Variants in NDUFC2 observed in about 807,000 individuals in gnomAD.
The protein encoded by NDUFC2 is NADH dehydrogenase [ubiquinone] 1 subunit C2.
Under a neutral mutation model 10.1 loss-of-function variants are expected in NDUFC2, and 2 were observed. That is an observed-to-expected ratio of 0.20 (90% CI 0.08 to 0.62). The LOEUF (loss-of-function observed/expected upper bound fraction) is 0.62, where lower values mean the gene tolerates loss of function less well. NDUFC2 is among the 20% of genes least tolerant of loss of function. The pLI is 0.87. For synonymous variants in NDUFC2, 61 were observed against 63.6 expected (o/e 0.96, Z 0.20); for missense variants, 156 against 159.6 (o/e 0.98, Z 0.12).
intron 2 of NDUFC2, among the ~76,000 whole-genome samples, chr11:78,072,521 G>A (rs951468767): frequency 2.6e-5 from 4 of 152,202 alleles, no homozygotes; most frequent in African/African-American, 9.7e-5. Context: ...GCTGTCATTG[G>A]AAATAAGACC....
intron 1 of NDUFC2, among the ~76,000 whole-genome samples, chr11:78,073,495 C>A (rs1285371657): frequency 6.8e-6 from 1 of 146,256 alleles, no homozygotes; most frequent in Non-Finnish European, 1.5e-5. Flanking sequence ...CCTGTTATGG[C>A]ATTTCTTAAA....
At chr11:78,079,518 G>A in intron 1 of NDUFC2, 61 bp downstream of exon 1, 3 of 1,522,926 alleles carry the variant, frequency 2.0e-6, no homozygotes, top group South Asian at 1.2e-5. Context: ...CTACGGCCGG[G>A]CCAGTCTGCA....
intron 1 of NDUFC2, among the ~76,000 whole-genome samples, chr11:78,078,667 AGT>A (rs1859352999): frequency 6.9e-6 from 1 of 145,546 alleles, no homozygotes; most frequent in African/African-American, 2.5e-5. Context: ...CAGCAGCAGC[AGT>A]GTTTGAGCGC....
In NDUFC2 at chr11:78,079,800, CACGACGACCACT is replaced by C. The variant is rs1164972415; in HGVS notation, c.-68_-57del. On this transcript the variant is annotated 5_prime_UTR_variant, in exon 1 of 3. Transcript: ENST00000281031. Reference sequence around the variant, plus strand: ...TCAGACCACGAACTACAAGGAAAACCACGACGACCACTACCCCGGCCTAAGCGGTCAGCTTTC... The same window carrying C: ...TCAGACCACGAACTACAAGGAAAACCACCCCGGCCTAAGCGGTCAGCTTTC... 1.9e-6 allele frequency: 3 copies of C among 1,547,384 alleles called. No homozygotes were observed. In the Admixed American group the frequency reaches 6.8e-5, roughly 35 times the overall value.
At chr11:78,076,993 G>A (rs1440457059) in intron 1 of NDUFC2, among the ~76,000 whole-genome samples, 3 of 152,128 alleles carry the variant, frequency 2.0e-5, no homozygotes, top group Non-Finnish European at 4.4e-5. Flanking sequence ...GCACATAACA[G>A]AGAAACAGTT....
chr11:78,078,313 G>A (rs1260430600), intron 1 of NDUFC2, among the ~76,000 whole-genome samples: 1 of 152,154 alleles, frequency 6.6e-6, no homozygotes, highest in Non-Finnish European at 1.5e-5. Flanking sequence ...AAATTGCCAT[G>A]CTCTGCTAAA....
chr11:78,079,784 G>C lies in NDUFC2; in HGVS notation c.-40C>G, dbSNP rs1238436714. ...CACTTGAGGCCTGGTCTCAGACCAC[G>C]AACTACAAGGAAAACCACGACGACC... On this transcript the variant is annotated 5_prime_UTR_variant, in exon 1 of 3. Transcript: ENST00000281031. 3 of 1,567,682 alleles carry C rather than the reference G, an allele frequency of 1.9e-6. No homozygotes were observed. In the South Asian group the frequency reaches 3.5e-5, roughly 18 times the overall value.
intron 1 of NDUFC2, among the ~76,000 whole-genome samples, chr11:78,077,699 G>A (rs991423308): frequency 6.6e-6 from 1 of 152,100 alleles, no homozygotes; most frequent in African/African-American, 2.4e-5. Flanking sequence ...GGGACTACAA[G>A]TGCACATCAC....
intron 1 of NDUFC2, among the ~76,000 whole-genome samples, chr11:78,074,884 G>C (rs1169050203): frequency 1.3e-5 from 2 of 152,074 alleles, no homozygotes; most frequent in East Asian, 3.9e-4. Flanking sequence ...CTCTCTCTAC[G>C]CTGACCCATG....
Position 78,068,947 on chromosome 11 carries a change from G to A in NDUFC2, c.*1040C>T, listed in dbSNP as rs1858870156. On this transcript the variant is annotated 3_prime_UTR_variant, in exon 3 of 3. Transcript: ENST00000281031. Reference sequence around the variant, plus strand: ...TGTCACCCAGGCTGCAGTGAACTGTGACACAACCACAATTAATTGCATCCT... The same window carrying A: ...TGTCACCCAGGCTGCAGTGAACTGTAACACAACCACAATTAATTGCATCCT... 1 of 151,946 alleles carries A rather than the reference G, an allele frequency of 6.6e-6. No individual in the cohort carries two copies. Among genetic ancestry groups the A allele is most frequent in the African/African-American group, 2.4e-5 (1 of 41,356 alleles). The allele number at this position is 151,946 out of a possible 1,614,324, so 9.4% of individuals were successfully genotyped here.
At chr11:78,070,859 C>A (rs1403307610) in intron 2 of NDUFC2, among the ~76,000 whole-genome samples, 1 of 152,156 alleles carries the variant, frequency 6.6e-6, no homozygotes, top group African/African-American at 2.4e-5. Flanking sequence ...AGAATGAGCC[C>A]TGAAGCTATA....
At position 78,079,834 on chromosome 11, in the gene NDUFC2, T is replaced by G; in HGVS notation, c.-90A>C. ...CACTACCCCGGCCTAAGCGGTCAGC[T>G]TTCTCCTCCTCCTCTGCGCGCCGGA... is the stretch of plus-strand genomic sequence containing the variant. On this transcript the variant is annotated 5_prime_UTR_variant, in exon 1 of 3. Transcript: ENST00000281031. 2 of 1,472,016 alleles carry G rather than the reference T, an allele frequency of 1.4e-6. No individual in the cohort carries two copies. The highest frequency in any genetic ancestry group is 1.3e-5 in the South Asian group (1 of 76,256). The allele number at this position is 1,472,016 out of a possible 1,614,324, so 91.2% of individuals were successfully genotyped here.
chr11:78,073,154 T>C lies in NDUFC2; in HGVS notation c.167-13A>G, dbSNP rs369928822. On this transcript the variant is annotated splice_polypyrimidine_tract_variant and intron_variant, in intron 1 of 2. Transcript: ENST00000281031. ...TGGCGATGCAAACCTGAAATTCAAA[T>C]GACAAATCCCAAAGAAAGCAAAAAT... 31 of 1,611,078 alleles carry C rather than the reference T, an allele frequency of 1.9e-5. No individual in the cohort carries two copies. Among genetic ancestry groups the C allele is most frequent in the Middle Eastern group, 1.7e-4 (1 of 5,976 alleles).
Position 78,069,904 on chromosome 11 carries a change from G to T in NDUFC2, c.*83C>A. 1.2e-6 allele frequency: 2 copies of T among 1,613,154 alleles called. No individual in the cohort carries two copies. The highest frequency in any genetic ancestry group is 1.7e-6 in the Non-Finnish European group (2 of 1,179,540). ...GGTGTCAACATACAGATTAGCATAAGCTTCAACTGTCATAAGAAACATGTT... is the reference window on the plus strand; with the variant it reads ...GGTGTCAACATACAGATTAGCATAATCTTCAACTGTCATAAGAAACATGTT... On this transcript the variant is annotated 3_prime_UTR_variant, in exon 3 of 3. Transcript: ENST00000281031.
Position 78,074,697 on chromosome 11 carries a change from C to T in NDUFC2, c.167-1556G>A, listed in dbSNP as rs142160702. Among the ~76,000 whole-genome samples, 1,326 of 152,088 alleles carry T rather than the reference C, an allele frequency of 8.7e-3. 17 individuals are homozygous for T. Among genetic ancestry groups the T allele is most frequent in the African/African-American group, 0.03 (1,243 of 41,510 alleles). On this transcript the variant is annotated intron_variant, in intron 1 of 2. Coordinates refer to ENST00000281031, the MANE Select transcript of NDUFC2 (RefSeq NM_004549.6). Reference sequence around the variant, plus strand: ...AGACATATGCATATAAAAGTATTTCCGAAAATGTATAAAACAATAAAAATG... The same window carrying T: ...AGACATATGCATATAAAAGTATTTCTGAAAATGTATAAAACAATAAAAATG...
intron 2 of NDUFC2, among the ~76,000 whole-genome samples, chr11:78,071,767 A>G (rs1011905570): frequency 6.6e-6 from 1 of 152,236 alleles, no homozygotes; most frequent in Non-Finnish European, 1.5e-5. Flanking sequence ...AGATAATAAA[A>G]GCAGAAATTT....
rs755954452 is a variant in NDUFC2 at position 78,070,115 on chromosome 11, T to G, written c.311-79A>C. The G allele has an allele frequency of 7.4e-4, 736 of 1,001,258 alleles. 6 individuals carry two copies. Among genetic ancestry groups the G allele is most frequent in the Middle Eastern group, 6.3e-4 (2 of 3,194 alleles). 62.0% of individuals were successfully genotyped at this position (1,001,258 alleles called of 1,614,324 possible). A position where few individuals can be genotyped will look rare whatever the true frequency, so the allele number is the denominator to read the frequency against. On this transcript the variant is annotated intron_variant, in intron 2 of 2. Transcript: ENST00000281031. ...GTATTTCCTAAACGAAAATTAACAC[T>G]CACTAATCTTATGATTGAAATCCTG...
chr11:78,073,627 C>A (rs895957334), intron 1 of NDUFC2, among the ~76,000 whole-genome samples: 1 of 151,794 alleles, frequency 6.6e-6, no homozygotes, highest in Admixed American at 6.6e-5. Flanking sequence ...CATGGTGAAA[C>A]CCTGTCTCTA....
chr11:78,076,493 T>C (rs1295906996), intron 1 of NDUFC2, among the ~76,000 whole-genome samples: 1 of 152,218 alleles, frequency 6.6e-6, no homozygotes, highest in Non-Finnish European at 1.5e-5. Context: ...CTGAGCTAGA[T>C]AAACACAATA....
Sources: allele counts gnomAD v4.1 joint callset (sites outside exome capture counted in the v4.1 genomes callset), GRCh38; gene constraint gnomAD v4.1.1; transcripts MANE v1.5; gene names NCBI Gene and HGNC (gene_info 2026-07-23, HGNC 2026-07-21).